Variants in DOP1A observed in about 807,000 individuals in gnomAD.
The protein encoded by DOP1A is protein DOP1A.
Under a neutral mutation model 267.6 loss-of-function variants are expected in DOP1A, and 90 were observed. The ratio of observed to expected loss-of-function variants is 0.34; its 90% CI spans 0.28 to 0.40. The LOEUF is 0.40. DOP1A is among the 10% of genes least tolerant of loss of function. The pLI, the probability that DOP1A is intolerant of heterozygous loss-of-function variation, is 1.00. For synonymous variants in DOP1A, 932 were observed against 999.1 expected, an observed-to-expected ratio of 0.93 and a Z score of 1.27; for missense variants, 2,437 against 2,900.4, an observed-to-expected ratio of 0.84 and a Z score of 3.67.
At chr6:83,140,168 C>A in intron 22 of DOP1A, 53 bp from the exon 23 acceptor site, 2 of 1,604,970 alleles carry the variant, frequency 1.2e-6, no homozygotes, top group Non-Finnish European at 1.7e-6. Context: ...TAATAAATTT[C>A]CATTTGTAAA....
chr6:83,132,591 G>A (rs1439308587), intron 18 of DOP1A, among the ~76,000 whole-genome samples: 1 of 152,100 alleles, frequency 6.6e-6, no homozygotes, highest in Non-Finnish European at 1.5e-5. Flanking sequence ...TCAAGACACA[G>A]TTATGGGAAC....
intron 4 of DOP1A, 55 bp from the exon 5 acceptor site, chr6:83,108,855 T>A: frequency 6.8e-7 from 1 of 1,479,948 alleles, no homozygotes; most frequent in Non-Finnish European, 9.2e-7. Flanking sequence ...TGCATATGAA[T>A]TAATATTGTA....
In DOP1A at chr6:83,109,064, T is replaced by A. The variant is rs537104845; in HGVS notation, c.475T>A (p.Ser159Thr). Residue 159 changes from serine to threonine, a missense_variant, in exon 5 of 39, where the codon TCA becomes ACA. Around this residue, in one of 9 missense-constraint regions of DOP1A, gnomAD observed 251 missense variants for 359.1 expected, o/e 0.70. Coordinates refer to ENST00000349129, the MANE Select transcript of DOP1A (RefSeq NM_015018.4). Reference protein sequence around the residue: ...TGILPGLEEGSEYYERTNMLL... With the variant: ...TGILPGLEEGTEYYERTNMLL... The stretch of plus-strand genomic sequence containing the variant: ...TATTCTTCCTGGCTTAGAAGAAGGA[T>A]CAGAGTACTATGAGAGGTAAGATCA... The A allele has an allele frequency of 3.7e-6, 6 of 1,612,682 alleles. No homozygotes were observed. Among genetic ancestry groups the A allele is most frequent in the Non-Finnish European group, 5.1e-6 (6 of 1,179,724 alleles).
intron 1 of DOP1A, among the ~76,000 whole-genome samples, chr6:83,089,122 G>A (rs1210599140): frequency 6.6e-6 from 1 of 152,106 alleles, no homozygotes; most frequent in African/African-American, 2.4e-5. Context: ...TCTCTTTTCA[G>A]CCCTCCCCCT....
At chr6:83,146,939 G>C (rs982546313) in intron 25 of DOP1A, among the ~76,000 whole-genome samples, 1 of 152,238 alleles carries the variant, frequency 6.6e-6, no homozygotes, top group South Asian at 2.1e-4. Context: ...GATACTTATA[G>C]AGTACATGAA....
rs1441102176 is a variant in DOP1A, at chr6:83,159,887, CTCTA to C, written c.6893_6896del (p.Tyr2298SerfsTer57). 1 of 1,614,106 alleles carries C rather than the reference CTCTA, an allele frequency of 6.2e-7. No homozygotes were observed. ...ATATAACAGCCAGCGGTGGTTAAAC[CTCTA>C]TCTCTCTGCTTGCAAATTTTTGGAT... On this transcript the variant is annotated frameshift_variant, in exon 37 of 39. Transcript: ENST00000349129. LOFTEE classifies it high-confidence loss of function.
chr6:83,106,547 C>A (rs574698969), intron 4 of DOP1A, among the ~76,000 whole-genome samples: 69 of 152,146 alleles, frequency 4.5e-4, no homozygotes, highest in African/African-American at 1.6e-3. Flanking sequence ...CAGTGGCTCA[C>A]GCCTGTAATC....
rs745316965 is a variant in DOP1A at position 83,124,782 on chromosome 6, G to A, written c.1418G>A (p.Cys473Tyr). The change falls in exon 13 of 39, where the codon TGC becomes TAC. Residue 473 changes from cysteine to tyrosine, a missense_variant. This residue lies in a region of DOP1A where 498 missense variants were observed against 513.5 expected (regional missense o/e 0.97). Transcript: ENST00000349129. ...DSSELQLTNF[C>Y]LLVDFLLDIV... ...TCTGAATTACAGCTGACCAATTTCTGCTTACTGGTGGATTTTTTGTTGGAC... is the reference window on the plus strand; with the variant it reads ...TCTGAATTACAGCTGACCAATTTCTACTTACTGGTGGATTTTTTGTTGGAC... 9 of 1,613,186 alleles carry A rather than the reference G, an allele frequency of 5.6e-6. No individual in the cohort carries two copies. In the South Asian group the frequency reaches 8.8e-5, roughly 16 times the overall value.
rs1318059044 is a variant in DOP1A, at chr6:83,125,365, A to T, written c.1486-135A>T. The T allele has an allele frequency of 4.0e-5, 40 of 1,009,370 alleles. 1 individual carries two copies. Among genetic ancestry groups the T allele is most frequent in the Non-Finnish European group, 5.6e-5 (39 of 700,930 alleles). 62.5% of individuals were successfully genotyped at this position (1,009,370 alleles called of 1,614,324 possible). A position where few individuals can be genotyped will look rare whatever the true frequency, so the allele number is the denominator to read the frequency against. On this transcript the variant is annotated intron_variant, in intron 14 of 38. Coordinates refer to ENST00000349129, the MANE Select transcript of DOP1A (RefSeq NM_015018.4). ...TTATAAGGCATCAGTAATAAAATAT[A>T]CAGTGTTAATTAAGAGCATGATGCA...
intron 1 of DOP1A, among the ~76,000 whole-genome samples, chr6:83,092,567 C>T (rs1392036241): frequency 1.7e-5 from 2 of 118,720 alleles, no homozygotes; most frequent in South Asian, 7.1e-4. Context: ...CCCCCCCCCC[C>T]CACCATATTC....
In DOP1A at chr6:83,096,814, A is replaced by T; in HGVS notation, c.-63A>T. ...ACACTAGCTGAGGAGAGTTTCAACC[A>T]CTGCTAACAGTAAGGAACATTTTCA... On this transcript the variant is annotated 5_prime_UTR_variant, in exon 2 of 39. Coordinates refer to ENST00000349129, the MANE Select transcript of DOP1A (RefSeq NM_015018.4). 1 of 699,818 alleles carries T rather than the reference A, an allele frequency of 1.4e-6. No homozygotes were observed. Among genetic ancestry groups the T allele is most frequent in the Non-Finnish European group, 2.3e-6 (1 of 443,546 alleles). The allele number at this position is 699,818 out of a possible 1,614,324, so 43.4% of individuals were successfully genotyped here.
intron 5 of DOP1A, 140 bp from the exon 6 acceptor site, chr6:83,109,985 C>T (rs1431867616): frequency 8.7e-6 from 7 of 800,268 alleles, no homozygotes; most frequent in Non-Finnish European, 1.3e-5. Context: ...ATTCTTCTTT[C>T]AGTCTATCAC....
chr6:83,168,966 G>T (rs982238502), downstream of DOP1A: 16 of 1,204,898 alleles, frequency 1.3e-5, no homozygotes, highest in Non-Finnish European at 1.6e-5. Context: ...ACATAAAACT[G>T]TACAGTTAGT....
chr6:83,120,593 T>C lies in DOP1A; in HGVS notation c.991-90T>C, dbSNP rs552343766. On this transcript the variant is annotated intron_variant, in intron 9 of 38. Coordinates refer to ENST00000349129, the MANE Select transcript of DOP1A (RefSeq NM_015018.4). ...CAATAGTGGGTATAAGTCTCCGTTA[T>C]ATATGGTTGCATTTAAAAATACTTT... 364 of 1,082,058 alleles carry C rather than the reference T, an allele frequency of 3.4e-4. 3 individuals are homozygous for C. In the African/African-American group the frequency reaches 5.2e-3, roughly 15 times the overall value. 67.0% of individuals were successfully genotyped at this position (1,082,058 alleles called of 1,614,324 possible).
chr6:83,163,951 T>G (rs1235088102), intron 38 of DOP1A, among the ~76,000 whole-genome samples: 1 of 151,914 alleles, frequency 6.6e-6, no homozygotes, highest in African/African-American at 2.4e-5. Flanking sequence ...TTATTACAGA[T>G]CTTTGCCCAA....
chr6:83,093,481 TTTTG>T (rs1227677062), intron 1 of DOP1A, among the ~76,000 whole-genome samples: 1 of 152,226 alleles, frequency 6.6e-6, no homozygotes, highest in Non-Finnish European at 1.5e-5. Flanking sequence ...TTTTTAACCT[TTTTG>T]TTAAAAAACT....
At chr6:83,072,061 C>A (rs907260975) in intron 1 of DOP1A, among the ~76,000 whole-genome samples, 6 of 152,018 alleles carry the variant, frequency 3.9e-5, no homozygotes, top group African/African-American at 1.4e-4. Context: ...TATTTTAATC[C>A]TGCCGAAGAC....
At chr6:83,086,882 G>A (rs1002029891) in intron 1 of DOP1A, among the ~76,000 whole-genome samples, 2 of 152,124 alleles carry the variant, frequency 1.3e-5, no homozygotes, top group African/African-American at 4.8e-5. Flanking sequence ...AGCCTGTGGG[G>A]GTCAAGGAAA....
chr6:83,130,151 G>A lies in DOP1A; in HGVS notation c.2370G>A (p.Trp790Ter). 6.2e-7 allele frequency: 1 copy of A among 1,613,972 alleles called. No homozygotes were observed. The highest frequency in any genetic ancestry group is 8.5e-7 in the Non-Finnish European group (1 of 1,179,930). ...GTGAGCATGTGCAGCCTCCACAGTG[G>A]CTCCAGACTCTGATGAATGCTTGCA... is the stretch of plus-strand genomic sequence containing the variant. ...TDCEHVQPPQ[W>*]LQTLMNACSQ... Residue 790 changes from tryptophan to a stop codon, truncating the protein, a stop_gained, in exon 17 of 39, where the codon TGG becomes TGA. Coordinates refer to ENST00000349129, the MANE Select transcript of DOP1A (RefSeq NM_015018.4). LOFTEE classifies it high-confidence loss of function.
Sources: gnomAD v4.1 joint callset for allele counts (sites outside exome capture counted in the v4.1 genomes callset) on GRCh38, gnomAD v4.1.1 for gene constraint, gnomAD v4.1.1 regional missense constraint, MANE v1.5 for transcripts, NCBI Gene and HGNC (gene_info 2026-07-23, HGNC 2026-07-21) for gene names.